The following TAF1B variants were observed in gnomAD, a reference collection of about 807,000 sequenced individuals.
The protein encoded by TAF1B is TATA box-binding protein-associated factor RNA polymerase I subunit B.
In TAF1B, 61 loss-of-function variants were observed where a neutral mutation model predicts 83.9. That is an observed-to-expected ratio of 0.73 (90% confidence interval 0.59 to 0.90). The LOEUF is 0.90. Among genes scored for constraint, TAF1B ranks in the 40% least tolerant of loss-of-function variants. TAF1B has a pLI of 0.00. For synonymous variants in TAF1B, 221 were observed against 224.6 expected, an observed-to-expected ratio of 0.98 and a Z score of 0.14; for missense variants, 625 against 677.0, an observed-to-expected ratio of 0.92 and a Z score of 0.85.
Position 9,929,228 on chromosome 2 carries a change from G to A in TAF1B, c.1566-4555G>A, listed in dbSNP as rs374294857. On this transcript the variant is annotated intron_variant, in intron 14 of 14. Coordinates refer to ENST00000263663, the MANE Select transcript of TAF1B (RefSeq NM_005680.3). ...GGCTGGAGTGCAGTGGCACAATCTC[G>A]GCTGACTGCAACCTCCGCCTCCCGG... Among the ~76,000 whole-genome samples, 55 of 152,124 alleles carry A rather than the reference G, an allele frequency of 3.6e-4. No individual in the cohort carries two copies. In the East Asian group the frequency reaches 5.0e-3, roughly 14 times the overall value.
chr2:9,891,901 A>T (rs539093420), intron 8 of TAF1B, among the ~76,000 whole-genome samples: 2 of 152,254 alleles, frequency 1.3e-5, no homozygotes, highest in Non-Finnish European at 2.9e-5. Context: ...TTAAGTTTAT[A>T]TAGAAAAGAT....
Position 9,875,900 on chromosome 2 carries a change from G to A in TAF1B, c.589G>A (p.Glu197Lys), listed in dbSNP as rs552159103. 1.2e-6 allele frequency: 2 copies of A among 1,611,756 alleles called. No individual in the cohort carries two copies. Among genetic ancestry groups the A allele is most frequent in the African/African-American group, 1.3e-5 (1 of 74,890 alleles). ...SVCSGSLDGV[E>K]YSQRKEKGIV... ...CTGCTCTGGATCTCTGGATGGAGTT[G>A]AATACTCACAACGAAAGGAGAAGGG... Residue 197 changes from glutamate (E) to lysine (K), a missense_variant, in exon 7 of 15, where the codon GAA (glutamate) becomes AAA (lysine). Glu to Lys is a moderately conservative substitution (Grantham distance 56). Coordinates refer to ENST00000263663, the MANE Select transcript of TAF1B (RefSeq NM_005680.3).
intron 3 of TAF1B, among the ~76,000 whole-genome samples, chr2:9,849,991 T>G (rs942478929): frequency 2.7e-5 from 4 of 150,798 alleles, no homozygotes; most frequent in African/African-American, 9.8e-5. Context: ...TGAGATAGCT[T>G]TAAGGATACA....
At chr2:9,850,380 C>G (rs1469764328) in intron 3 of TAF1B, among the ~76,000 whole-genome samples, 1 of 152,092 alleles carries the variant, frequency 6.6e-6, no homozygotes. Flanking sequence ...AAAATAGGAA[C>G]ACAGACTCAA....
intron 6 of TAF1B, among the ~76,000 whole-genome samples, chr2:9,870,946 T>C (rs514805): frequency 0.2 from 30,991 of 152,236 alleles, 4,019 homozygotes; most frequent in Non-Finnish European, 0.29. Context: ...CCAGTTCTTA[T>C]AATCTCTTAA....
At chr2:9,891,708 G>A (rs573679928) in intron 8 of TAF1B, among the ~76,000 whole-genome samples, 1 of 152,106 alleles carries the variant, frequency 6.6e-6, no homozygotes, top group African/African-American at 2.4e-5. Context: ...TGGGCTAAAT[G>A]TGTATGTTTG....
chr2:9,845,828 C>A (rs144637753), intron 2 of TAF1B: 15,107 of 279,552 alleles, frequency 0.054, 496 homozygotes, highest in African/African-American at 0.074. Flanking sequence ...ACTAAAAATA[C>A]AACAATTAGC....
intron 7 of TAF1B, among the ~76,000 whole-genome samples, chr2:9,880,375 C>T (rs1424550560): frequency 7.1e-6 from 1 of 141,692 alleles, no homozygotes; most frequent in Non-Finnish European, 1.5e-5. Context: ...AGAGAACTAG[C>T]TGATAATACC....
chr2:9,892,972 A>G (rs1379604193), intron 8 of TAF1B, among the ~76,000 whole-genome samples: 1 of 152,212 alleles, frequency 6.6e-6, no homozygotes, highest in Non-Finnish European at 1.5e-5. Flanking sequence ...AGGGTAAAAA[A>G]GCAGAGAGAC....
chr2:9,903,564 G>C (rs1021267477), intron 8 of TAF1B, among the ~76,000 whole-genome samples: 1 of 152,184 alleles, frequency 6.6e-6, no homozygotes, highest in Non-Finnish European at 1.5e-5. Context: ...TCTGAACTTT[G>C]TAAGAGAATC....
Position 9,863,209 on chromosome 2 carries a change from A to G in TAF1B, c.400-5067A>G, listed in dbSNP as rs532974967. ...GCTGTATTCAGGAAACCCATCTCAC[A>G]TGCAGAGACACACATAGGCTCAAAG... is the stretch of plus-strand genomic sequence containing the variant. On this transcript the variant is annotated intron_variant, in intron 5 of 14. Transcript: ENST00000263663. Among the ~76,000 whole-genome samples the G allele has an allele frequency of 6.7e-3, 1,013 of 152,292 alleles. 16 individuals are homozygous for G. The highest frequency in any genetic ancestry group is 0.022 in the African/African-American group (932 of 41,558).
chr2:9,871,395 A>C (rs955105802), intron 6 of TAF1B, among the ~76,000 whole-genome samples: 2 of 151,526 alleles, frequency 1.3e-5, no homozygotes, highest in East Asian at 3.9e-4. Flanking sequence ...ATCTCTCTTT[A>C]CCACCATCCT....
Position 9,919,043 on chromosome 2 carries a change from A to G in TAF1B, c.1274A>G (p.Tyr425Cys), listed in dbSNP as rs1242137661. The part of the protein sequence containing the change: ...KQKWEEARAK[Y>C]LWKSEKPLYY... ...AGCTGTTTCTTTACCTTGTACAGGTACCTGTGGAAAAGTGAAAAGCCACTC... is the reference window on the plus strand; with the variant it reads ...AGCTGTTTCTTTACCTTGTACAGGTGCCTGTGGAAAAGTGAAAAGCCACTC... The change falls in exon 13 of 15, where the codon TAC (tyrosine) becomes TGC (cysteine). Residue 425 changes from tyrosine (Y) to cysteine (C), a missense_variant and splice_region_variant. Tyr to Cys is a radical substitution (Grantham distance 194, BLOSUM62 -2). Coordinates refer to ENST00000263663, the MANE Select transcript of TAF1B (RefSeq NM_005680.3). The G allele has an allele frequency of 1.2e-6, 2 of 1,614,024 alleles. No individual in the cohort carries two copies. Among genetic ancestry groups the G allele is most frequent in the Non-Finnish European group, 1.7e-6 (2 of 1,179,910 alleles).
At chr2:9,880,479 G>A (rs16867211) in intron 7 of TAF1B, among the ~76,000 whole-genome samples, 33,154 of 134,230 alleles carry the variant, frequency 0.25, 4,471 homozygotes, top group East Asian at 0.3. Flanking sequence ...TCTAAAAGGA[G>A]ATTCAAAGAA....
chr2:9,855,732 C>T (rs1416261261), intron 5 of TAF1B, among the ~76,000 whole-genome samples: 1 of 152,094 alleles, frequency 6.6e-6, no homozygotes, highest in Non-Finnish European at 1.5e-5. Flanking sequence ...AACATCATAG[C>T]TTAGTCTAGC....
At chr2:9,931,460 G>A (rs536099485) in intron 14 of TAF1B, among the ~76,000 whole-genome samples, 21 of 152,246 alleles carry the variant, frequency 1.4e-4, no homozygotes, top group African/African-American at 5.1e-4. Context: ...ATTCTGGGTT[G>A]AAAATTCTTT....
chr2:9,844,757 T>TAC (rs1558610005), intron 1 of TAF1B, among the ~76,000 whole-genome samples: 1 of 152,206 alleles, frequency 6.6e-6, no homozygotes, highest in African/African-American at 2.4e-5. Context: ...AAAAGCCTGG[T>TAC]ACACACATAG....
At chr2:9,928,081 T>G (rs1459482566) in intron 14 of TAF1B, among the ~76,000 whole-genome samples, 1 of 152,226 alleles carries the variant, frequency 6.6e-6, no homozygotes, top group African/African-American at 2.4e-5. Context: ...TTTCTACATA[T>G]GGCTAGCCAG....
At chr2:9,924,272 C>T (rs901476680) in intron 14 of TAF1B, among the ~76,000 whole-genome samples, 1 of 152,064 alleles carries the variant, frequency 6.6e-6, no homozygotes, top group Non-Finnish European at 1.5e-5. Flanking sequence ...CCTTTTTTCT[C>T]AGAGAGCCCC....
Sources: gnomAD v4.1 joint callset for allele counts (sites outside exome capture counted in the v4.1 genomes callset) on GRCh38, gnomAD v4.1.1 for gene constraint, MANE v1.5 for transcripts, NCBI Gene and HGNC (gene_info 2026-07-23, HGNC 2026-07-21) for gene names.